The following STARD13 variants were observed in gnomAD, a reference collection of about 807,000 sequenced individuals.
The protein encoded by STARD13 is StAR related lipid transfer domain containing 13.
STARD13 carries 62 observed loss-of-function variants against 106.4 expected under a neutral mutation model. That is an observed-to-expected ratio of 0.58 (90% CI 0.48 to 0.72). The LOEUF (loss-of-function observed/expected upper bound fraction) is 0.72. STARD13 is among the 30% of genes least tolerant of loss of function. The probability of loss-of-function intolerance (pLI) is 0.00; values close to 1 mark genes in which losing one functional copy is unlikely to be tolerated. For missense variants in STARD13, 1,387 were observed against 1,424.0 expected, an observed-to-expected ratio of 0.97 and a Z score of 0.42; for synonymous variants, 565 against 553.0, an observed-to-expected ratio of 1.02 and a Z score of -0.31.
At chr13:33,326,114 G>A (rs1490231442) in intron 1 of STARD13, among the ~76,000 whole-genome samples, 1 of 151,568 alleles carries the variant, frequency 6.6e-6, no homozygotes, top group East Asian at 1.9e-4. Flanking sequence ...CACAAGCACT[G>A]CACTTCAGTG....
intron 4 of STARD13, among the ~76,000 whole-genome samples, chr13:33,139,531 A>G (rs1224432712): frequency 1.3e-5 from 2 of 152,226 alleles, no homozygotes; most frequent in Admixed American, 6.5e-5. Flanking sequence ...CTTTCTGCAG[A>G]ATTAAATAAG....
chr13:33,590,959 T>G, the STARD13 span, among the ~76,000 whole-genome samples: 1 of 152,166 alleles, frequency 6.6e-6, no homozygotes, highest in Non-Finnish European at 1.5e-5. Flanking sequence ...AAAAGTCTCC[T>G]CGTACTTGTA....
Position 33,319,961 on chromosome 13 carries a change from T to TA in STARD13, c.124+30328dup, listed in dbSNP as rs1893494500. On this transcript the variant is annotated intron_variant, in intron 1 of 5. Transcript: ENST00000567873. Reference sequence around the variant, plus strand: ...TGGCTGCTTGCTAAATGCCTGCTCTTAGACAAGTTATTTCACCTCATTCCA... The same window carrying TA: ...TGGCTGCTTGCTAAATGCCTGCTCTTAAGACAAGTTATTTCACCTCATTCCA... Among the ~76,000 whole-genome samples the TA allele has an allele frequency of 2.0e-5, 3 of 152,218 alleles. No individual in the cohort carries two copies. In the South Asian group the frequency reaches 6.2e-4, roughly 32 times the overall value.
intron 1 of STARD13, among the ~76,000 whole-genome samples, chr13:33,316,890 A>G (rs1010155514): frequency 2.6e-5 from 4 of 151,584 alleles, no homozygotes; most frequent in African/African-American, 9.7e-5. Context: ...GTCTTGACAA[A>G]CTCATGATAA....
chr13:33,622,784 G>A, the STARD13 span, among the ~76,000 whole-genome samples: 2 of 151,428 alleles, frequency 1.3e-5, no homozygotes, highest in African/African-American at 4.9e-5. Flanking sequence ...GCCGGGCGTG[G>A]TGGCGCATGC....
At chr13:33,243,435 G>A (rs1259616925) in intron 1 of STARD13, among the ~76,000 whole-genome samples, 1 of 152,152 alleles carries the variant, frequency 6.6e-6, no homozygotes, top group East Asian at 1.9e-4. Flanking sequence ...AAGAGTACCT[G>A]GGTGTGGGAA....
chr13:33,171,659 A>G (rs1223422611), intron 1 of STARD13, among the ~76,000 whole-genome samples: 1 of 152,214 alleles, frequency 6.6e-6, no homozygotes, highest in Non-Finnish European at 1.5e-5. Flanking sequence ...TGTTAGTCTA[A>G]GGAGACCAAT....
At position 33,114,268 on chromosome 13, in the gene STARD13, G is replaced by C. The variant is rs183109873; in HGVS notation, c.2282-1337C>G. 2.6e-5 allele frequency among the ~76,000 whole-genome samples: 4 copies of C among 152,276 alleles called. No homozygotes were observed. The East Asian group carries it at 7.7e-4, about 29-fold the overall frequency. ...AAGGGCTGAGGTGTGACCTTCTGAGGGGGTCCTGGCTGGCCCCAGGCTTTG... is the reference window on the plus strand; with the variant it reads ...AAGGGCTGAGGTGTGACCTTCTGAGCGGGTCCTGGCTGGCCCCAGGCTTTG... On this transcript the variant is annotated intron_variant, in intron 8 of 13. Coordinates refer to ENST00000336934, the MANE Select transcript of STARD13 (RefSeq NM_178006.4).
At chr13:33,650,593 A>C in the STARD13 span, among the ~76,000 whole-genome samples, 1 of 152,228 alleles carries the variant, frequency 6.6e-6, no homozygotes, top group Non-Finnish European at 1.5e-5. Context: ...CTAAAGAAGA[A>C]CTTGTGTAAA....
chr13:33,610,197 G>GA, the STARD13 span, among the ~76,000 whole-genome samples: 1 of 151,974 alleles, frequency 6.6e-6, no homozygotes, highest in African/African-American at 2.4e-5. Context: ...ACTATGCATG[G>GA]AAAAAATAAG....
the STARD13 span, among the ~76,000 whole-genome samples, chr13:33,553,633 G>A: frequency 6.7e-6 from 1 of 149,044 alleles, no homozygotes; most frequent in Non-Finnish European, 1.5e-5. Context: ...AGGATGGAGT[G>A]TAGTGGCGCT....
At chr13:33,669,580 G>C in the STARD13 span, among the ~76,000 whole-genome samples, 1 of 132,692 alleles carries the variant, frequency 7.5e-6, no homozygotes, top group Non-Finnish European at 1.5e-5. Flanking sequence ...CTGTCACCCA[G>C]ACTGGAGTGC....
At chr13:33,534,049 T>G in the STARD13 span, among the ~76,000 whole-genome samples, 1 of 152,174 alleles carries the variant, frequency 6.6e-6, no homozygotes, top group Non-Finnish European at 1.5e-5. Context: ...TGACAACTGA[T>G]CAATAAGTAG....
the STARD13 span, among the ~76,000 whole-genome samples, chr13:33,575,337 A>C: frequency 4.6e-5 from 7 of 152,230 alleles, no homozygotes; most frequent in Non-Finnish European, 4.4e-5. Context: ...AAATTATTTT[A>C]CCATATAAAT....
the STARD13 span, among the ~76,000 whole-genome samples, chr13:33,468,085 C>T: frequency 2.6e-5 from 4 of 152,190 alleles, no homozygotes; most frequent in South Asian, 8.3e-4. Flanking sequence ...AAGGCTACTA[C>T]CATCCTGAAC....
At chr13:33,622,520 T>G in the STARD13 span, among the ~76,000 whole-genome samples, 1 of 140,918 alleles carries the variant, frequency 7.1e-6, no homozygotes, top group Non-Finnish European at 1.5e-5. Flanking sequence ...GCGCCTGTAG[T>G]CCCAGCTACT....
chr13:33,211,021 G>A (rs2555611), intron 1 of STARD13, among the ~76,000 whole-genome samples: 51,875 of 151,952 alleles, frequency 0.34, 9,147 homozygotes, highest in Middle Eastern at 0.45. Context: ...TGTACCATAC[G>A]TTATTTGCAT....
the STARD13 span, among the ~76,000 whole-genome samples, chr13:33,537,537 G>A: frequency 4.3e-4 from 65 of 152,222 alleles, no homozygotes; most frequent in African/African-American, 1.5e-3. Context: ...AGAAAGTGAG[G>A]GGTCTTGGAT....
chr13:33,364,105 C>T, the STARD13 span, among the ~76,000 whole-genome samples: 2 of 152,062 alleles, frequency 1.3e-5, no homozygotes, highest in Admixed American at 1.3e-4. Context: ...TAAAACATTA[C>T]TTAAGGTTCC....
Sources: gnomAD v4.1 joint callset for allele counts (sites outside exome capture counted in the v4.1 genomes callset) on GRCh38, gnomAD v4.1.1 for gene constraint, MANE v1.5 for transcripts, NCBI Gene and HGNC (gene_info 2026-07-23, HGNC 2026-07-21) for gene names.